JAK1: variants seen among roughly 807,000 people sequenced by gnomAD.
JAK1 encodes Janus kinase 1, also known as tyrosine-protein kinase JAK1.
In JAK1, 16 loss-of-function variants were observed where a neutral mutation model predicts 136.6. The observed-to-expected ratio is 0.12, with a 90% CI of 0.08 to 0.18. JAK1 has a LOEUF of 0.18. JAK1 is among the 10% of genes least tolerant of loss of function. JAK1 has a pLI of 1.00. For synonymous variants in JAK1, 492 were observed against 519.5 expected, an observed-to-expected ratio of 0.95 and a Z score of 0.72; for missense variants, 859 against 1,450.1, an observed-to-expected ratio of 0.59 and a Z score of 6.62.
Position 65,053,053 on chromosome 1 carries a change from A to AAAAAAAAAAAAG in JAK1, c.-180-8472_-180-8471insCTTTTTTTTTTT, listed in dbSNP as rs1553185113. 4.5e-5 allele frequency among the ~76,000 whole-genome samples: 6 copies of AAAAAAAAAAAAG among 133,716 alleles called. 1 individual carries two copies. Among genetic ancestry groups the AAAAAAAAAAAAG allele is most frequent in the African/African-American group, 1.7e-4 (6 of 35,194 alleles). The allele number at this position is 133,716 out of a possible 152,430, so 87.7% of individuals were successfully genotyped here. A position where few individuals can be genotyped will look rare whatever the true frequency, so the allele number is the denominator to read the frequency against. The stretch of plus-strand genomic sequence containing the variant: ...CTCAAAAAAAAAAAAAAAAAAAAAA[A>AAAAAAAAAAAAG]AAAGACTAGAGGCTGGGCACAGTGG... On this transcript the variant is annotated intron_variant, in intron 1 of 25. Coordinates refer to the JAK1 transcript ENST00000671954.
chr1:64,901,074 G>C (rs184359888), intron 1 of JAK1, among the ~76,000 whole-genome samples: 1 of 152,084 alleles, frequency 6.6e-6, no homozygotes, highest in African/African-American at 2.4e-5. Flanking sequence ...ATCTGTCTTC[G>C]CTGTCTTTGA....
chr1:64,897,272 A>G (rs1570728525), intron 1 of JAK1, among the ~76,000 whole-genome samples: 1 of 151,178 alleles, frequency 6.6e-6, no homozygotes, highest in Admixed American at 6.6e-5. Flanking sequence ...CCTACTAAAA[A>G]TACAAAAATT....
At chr1:65,029,537 G>A (rs581239) in intron 2 of JAK1, among the ~76,000 whole-genome samples, 8,958 of 152,150 alleles carry the variant, frequency 0.059, 631 homozygotes, top group East Asian at 0.38. Flanking sequence ...AGCACTACTC[G>A]CCATAGCAAA....
intron 2 of JAK1, among the ~76,000 whole-genome samples, chr1:65,037,340 T>C (rs2100827171): frequency 6.6e-6 from 1 of 152,202 alleles, no homozygotes; most frequent in East Asian, 1.9e-4. Flanking sequence ...GGGGGGGGTC[T>C]CATTATTTTG....
intron 20 of JAK1, among the ~76,000 whole-genome samples, chr1:64,839,112 G>C (rs2780892): frequency 0.78 from 105,802 of 135,714 alleles, 41,109 homozygotes; most frequent in African/African-American, 0.87. Context: ...CGCCACTGCA[G>C]TCCAGCCTGG....
intron 2 of JAK1, among the ~76,000 whole-genome samples, chr1:65,023,516 CT>C (rs1008164993): frequency 6.6e-6 from 1 of 151,428 alleles, no homozygotes; most frequent in African/African-American, 2.4e-5. Flanking sequence ...GAACCACTTT[CT>C]TTTTTTTTGA....
At position 64,930,792 on chromosome 1, in the gene JAK1, T is replaced by C. The variant is rs368171268; in HGVS notation, c.-78+35541A>G. Among the ~76,000 whole-genome samples the C allele has an allele frequency of 2.0e-5, 3 of 152,194 alleles. 1 individual carries two copies. Among genetic ancestry groups the C allele is most frequent in the African/African-American group, 7.2e-5 (3 of 41,434 alleles). ...GACTGGATATAGAAAATGTGGCACA[T>C]ATACACCATGGAATACTATGCAGCC... On this transcript the variant is annotated intron_variant, in intron 1 of 24. Coordinates refer to ENST00000342505, the MANE Select transcript of JAK1 (RefSeq NM_002227.4).
At chr1:64,966,190 G>C (rs554228473) in intron 1 of JAK1, 143 bp downstream of exon 1, 9 of 151,868 alleles carry the variant, frequency 5.9e-5, no homozygotes, top group African/African-American at 2.2e-4. Flanking sequence ...GGGGTCCTGA[G>C]CTGCGCTCAG....
intron 2 of JAK1, chr1:64,974,112 C>T (rs1231482752): frequency 6.6e-6 from 1 of 152,142 alleles, no homozygotes; most frequent in African/African-American, 2.4e-5. Context: ...GTCATAAATT[C>T]AATACATAGG....
At chr1:64,986,629 A>G (rs993139209) in intron 2 of JAK1, among the ~76,000 whole-genome samples, 1 of 152,078 alleles carries the variant, frequency 6.6e-6, no homozygotes, top group African/African-American at 2.4e-5. Flanking sequence ...GCAGTGGCTC[A>G]TGTCTGTAAT....
At position 64,908,756 on chromosome 1, in the gene JAK1, A is replaced by G. The variant is rs542826416; in HGVS notation, c.-77-22415T>C. Among the ~76,000 whole-genome samples, 17 of 133,728 alleles carry G rather than the reference A, an allele frequency of 1.3e-4. No homozygotes were observed. The South Asian group carries it at 4.1e-3, about 32-fold the overall frequency. 87.7% of individuals were successfully genotyped at this position (133,728 alleles called of 152,430 possible). A position where few individuals can be genotyped will look rare whatever the true frequency, so the allele number is the denominator to read the frequency against. The stretch of plus-strand genomic sequence containing the variant: ...GGCAAACATACACACACACACACAC[A>G]CCCCTTGTTAAAATAAAGATTCAGT... On this transcript the variant is annotated intron_variant, in intron 1 of 24. Coordinates refer to ENST00000342505, the MANE Select transcript of JAK1 (RefSeq NM_002227.4).
At chr1:64,869,543 G>A (rs1471688685) in intron 5 of JAK1, 69 bp from the exon 6 acceptor site, 3 of 1,277,342 alleles carry the variant, frequency 2.3e-6, no homozygotes, top group Non-Finnish European at 3.3e-6. Flanking sequence ...CTACTACACA[G>A]GGAGGGGCCG....
chr1:64,862,913 A>G (rs1656438627), intron 8 of JAK1, among the ~76,000 whole-genome samples: 1 of 152,164 alleles, frequency 6.6e-6, no homozygotes, highest in Admixed American at 6.5e-5. Context: ...TTTCAAGTAG[A>G]GCTGATGCTC....
At chr1:64,849,252 C>T (rs1311033663) in intron 12 of JAK1, among the ~76,000 whole-genome samples, 1 of 152,092 alleles carries the variant, frequency 6.6e-6, no homozygotes, top group Non-Finnish European at 1.5e-5. Flanking sequence ...TGCAGCAGCA[C>T]AATCATAGCT....
chr1:64,869,828 T>G (rs1570674326), intron 5 of JAK1, among the ~76,000 whole-genome samples: 1 of 152,198 alleles, frequency 6.6e-6, no homozygotes, highest in African/African-American at 2.4e-5. Context: ...GGTCTGATCA[T>G]GCATGAATTC....
intron 1 of JAK1, among the ~76,000 whole-genome samples, chr1:64,904,765 T>C (rs1436864378): frequency 6.6e-6 from 1 of 152,024 alleles, no homozygotes; most frequent in African/African-American, 2.4e-5. Context: ...ACACACCCTA[T>C]AAAATTGGAT....
intron 2 of JAK1, chr1:64,989,293 C>T (rs976678683): frequency 1.1e-4 from 16 of 149,210 alleles, no homozygotes; most frequent in African/African-American, 3.9e-4. Context: ...CCACTGCACT[C>T]CAGCCTGGGC....
At chr1:65,065,617 C>T (rs1277337154) in intron 1 of JAK1, among the ~76,000 whole-genome samples, 1 of 151,306 alleles carries the variant, frequency 6.6e-6, no homozygotes, top group Non-Finnish European at 1.5e-5. Context: ...GGTCCCTGCT[C>T]TTCCTCTGTG....
rs553840115 is a variant in JAK1 at position 64,931,340 on chromosome 1, G to A, written c.-78+34993C>T. 3.6e-3 allele frequency among the ~76,000 whole-genome samples: 551 copies of A among 152,028 alleles called. 2 individuals carry two copies. Among genetic ancestry groups the A allele is most frequent in the South Asian group, 6.4e-3 (31 of 4,812 alleles). ...TCATCCTTGTTCAACCGCACTCCAT[G>A]CAGACTACAACTCCCATAAGAAGGG... On this transcript the variant is annotated intron_variant, in intron 1 of 24. Transcript: ENST00000342505.
Sources: gnomAD v4.1 joint callset for allele counts (sites outside exome capture counted in the v4.1 genomes callset) on GRCh38, gnomAD v4.1.1 for gene constraint, MANE v1.5 for transcripts, NCBI Gene and HGNC (gene_info 2026-07-23, HGNC 2026-07-21) for gene names.